The following RAB21 variants were observed in gnomAD, a reference collection of about 807,000 sequenced individuals.
RAB21 encodes RAB21, member RAS oncogene family.
RAB21 carries 13 observed loss-of-function variants against 33.1 expected under a neutral mutation model. That is an observed-to-expected ratio of 0.39 (90% CI 0.26 to 0.62). The LOEUF (loss-of-function observed/expected upper bound fraction) is 0.62. Among genes scored for constraint, RAB21 ranks in the 20% least tolerant of loss-of-function variants. RAB21 has a pLI of 0.48. For synonymous variants in RAB21, 91 were observed against 103.7 expected (o/e 0.88, Z 0.74); for missense variants, 234 against 279.1 (o/e 0.84, Z 1.15).
Position 71,793,550 on chromosome 12 carries a change from T to C in RAB21, c.*7877T>C, listed in dbSNP as rs1883417572. 1 of 152,162 alleles carries C rather than the reference T, an allele frequency of 6.6e-6. No homozygotes were observed. Among genetic ancestry groups the C allele is most frequent in the Admixed American group, 6.5e-5 (1 of 15,272 alleles). The allele number at this position is 152,162 out of a possible 1,614,324, so 9.4% of individuals were successfully genotyped here. A position where few individuals can be genotyped will look rare whatever the true frequency, so the allele number is the denominator to read the frequency against. ...AACACACACACACAAACTATCCCAT[T>C]AGTTGGTTATACACAAGTTACTTTC... On this transcript the variant is annotated 3_prime_UTR_variant, in exon 7 of 7. Transcript: ENST00000261263.
At chr12:71,770,765 C>T in intron 3 of RAB21, 66 bp downstream of exon 3, 1 of 992,960 alleles carries the variant, frequency 1.0e-6, no homozygotes. Flanking sequence ...CATTAATATA[C>T]CTTTATTCAC....
At position 71,795,131 on chromosome 12, in the gene RAB21, A is replaced by G. The variant is rs1223823833; in HGVS notation, c.*9458A>G. 6.6e-6 allele frequency: 1 copy of G among 152,168 alleles called. No individual in the cohort carries two copies. Among genetic ancestry groups the G allele is most frequent in the African/African-American group, 2.4e-5 (1 of 41,444 alleles). The allele number at this position is 152,168 out of a possible 1,614,324, so 9.4% of individuals were successfully genotyped here. A position where few individuals can be genotyped will look rare whatever the true frequency, so the allele number is the denominator to read the frequency against. On this transcript the variant is annotated 3_prime_UTR_variant, in exon 7 of 7. Coordinates refer to ENST00000261263, the MANE Select transcript of RAB21 (RefSeq NM_014999.4). ...ACCACTAGTCTGGCAAGTGACTTTT[A>G]TTTGTCCTTTTCTATTGATAATGAA... is the stretch of plus-strand genomic sequence containing the variant.
In RAB21 at chr12:71,785,900, GTTTTTTTTT is replaced by G. The variant is rs1883280598; in HGVS notation, c.*228_*236del. 1.2e-5 allele frequency: 4 copies of G among 345,276 alleles called. No homozygotes were observed. The South Asian group carries it at 1.6e-4, about 14-fold the overall frequency. 21.4% of individuals were successfully genotyped at this position (345,276 alleles called of 1,614,324 possible). A position where few individuals can be genotyped will look rare whatever the true frequency, so the allele number is the denominator to read the frequency against. On this transcript the variant is annotated 3_prime_UTR_variant, in exon 7 of 7. Transcript: ENST00000261263. The stretch of plus-strand genomic sequence containing the variant: ...AAATGTTTTTTTTTGTTTTTTTTTT[GTTTTTTTTT>G]GTTTTTTTTTGAGACGGAGTCTCGC...
In RAB21 at chr12:71,791,428, T is replaced by C. The variant is rs1052981757; in HGVS notation, c.*5755T>C. The C allele has an allele frequency of 2.0e-5, 3 of 152,368 alleles. No homozygotes were observed. The East Asian group carries it at 5.8e-4, about 29-fold the overall frequency. 9.4% of individuals were successfully genotyped at this position (152,368 alleles called of 1,614,324 possible). ...TTTTGGCTGACGGTTGACTGCTTAGTGTATAAAATCTAGGAGTTAACTTTA... is the reference window on the plus strand; with the variant it reads ...TTTTGGCTGACGGTTGACTGCTTAGCGTATAAAATCTAGGAGTTAACTTTA... On this transcript the variant is annotated 3_prime_UTR_variant, in exon 7 of 7. Transcript: ENST00000261263.
In RAB21 at chr12:71,785,880, T is replaced by G. The variant is rs1052859081; in HGVS notation, c.*207T>G. ...AGAGAATTGGCATTTTCTACAAATG[T>G]TTTTTTTTGTTTTTTTTTTGTTTTT... On this transcript the variant is annotated 3_prime_UTR_variant, in exon 7 of 7. Coordinates refer to ENST00000261263, the MANE Select transcript of RAB21 (RefSeq NM_014999.4). 2.0e-6 allele frequency: 1 copy of G among 496,952 alleles called. No individual in the cohort carries two copies. Among genetic ancestry groups the G allele is most frequent in the Non-Finnish European group, 3.2e-6 (1 of 311,692 alleles). The allele number at this position is 496,952 out of a possible 1,614,324, so 30.8% of individuals were successfully genotyped here. A position where few individuals can be genotyped will look rare whatever the true frequency, so the allele number is the denominator to read the frequency against.
rs1362773304 is a variant in RAB21 at position 71,795,674 on chromosome 12, A to G, written c.*10001A>G. On this transcript the variant is annotated 3_prime_UTR_variant, in exon 7 of 7. Transcript: ENST00000261263. ...AGTAATGCTGTCCTTGAATTCACTT[A>G]CATCTCTGCTCTGGTTTTTTGAAGC... 7.3e-6 allele frequency: 1 copy of G among 137,110 alleles called. No individual in the cohort carries two copies. Among genetic ancestry groups the G allele is most frequent in the Non-Finnish European group, 1.5e-5 (1 of 65,988 alleles). 8.5% of individuals were successfully genotyped at this position (137,110 alleles called of 1,614,324 possible). A position where few individuals can be genotyped will look rare whatever the true frequency, so the allele number is the denominator to read the frequency against.
intron 3 of RAB21, among the ~76,000 whole-genome samples, chr12:71,772,304 A>G (rs1307551823): frequency 6.6e-6 from 1 of 152,134 alleles, no homozygotes; most frequent in Non-Finnish European, 1.5e-5. Flanking sequence ...TTATATGACA[A>G]CTGGATCCCA....
chr12:71,755,172 G>T lies in RAB21; in HGVS notation c.43G>T (p.Gly15Cys). 1 of 1,375,018 alleles carries T rather than the reference G, an allele frequency of 7.3e-7. No individual in the cohort carries two copies. Among genetic ancestry groups the T allele is most frequent in the South Asian group, 1.9e-5 (1 of 52,144 alleles). 85.2% of individuals were successfully genotyped at this position (1,375,018 alleles called of 1,614,324 possible). A position where few individuals can be genotyped will look rare whatever the true frequency, so the allele number is the denominator to read the frequency against. The change falls in exon 1 of 7, where the codon GGC becomes TGC. Residue 15 changes from glycine to cysteine, a missense_variant. By Grantham distance (159) the Gly-to-Cys change is radical (BLOSUM62 -3). Transcript: ENST00000261263. ...CGGCGGCGGCGGGGCGGCGGCGGCG[G>T]GCCGAGCCTACTCGTTCAAGGTGGT... ...GGGGGGAAAA[G>C]RAYSFKVVLL...
chr12:71,755,982 C>T (rs942590762), intron 1 of RAB21, among the ~76,000 whole-genome samples: 2 of 152,136 alleles, frequency 1.3e-5, no homozygotes, highest in Admixed American at 1.3e-4. Flanking sequence ...AATAAAAGGT[C>T]GGCTTTCTTC....
Position 71,782,162 on chromosome 12 carries a change from TAGGTATTACTCAAATCTC to T in RAB21, c.446+78_446+95del, listed in dbSNP as rs1250711659. 6.8e-6 allele frequency: 9 copies of T among 1,319,780 alleles called. No homozygotes were observed. The African/African-American group carries it at 1.3e-4, about 19-fold the overall frequency. 81.8% of individuals were successfully genotyped at this position (1,319,780 alleles called of 1,614,324 possible). On this transcript the variant is annotated intron_variant, in intron 5 of 6. Transcript: ENST00000261263. ...TCTTTATACGTTTTGCTTTACCATTTAGGTATTACTCAAATCTCTTAGCATGGATTGAGGTGTTGGATT... is the reference window on the plus strand; with the variant it reads ...TCTTTATACGTTTTGCTTTACCATTTTTAGCATGGATTGAGGTGTTGGATT...
rs1883278072 is a variant in RAB21 at position 71,785,877 on chromosome 12, ATGTTTTTTTT to A, written c.*216_*225del. 24 of 517,638 alleles carry A rather than the reference ATGTTTTTTTT, an allele frequency of 4.6e-5. No individual in the cohort carries two copies. Among genetic ancestry groups the A allele is most frequent in the African/African-American group, 3.9e-4 (19 of 49,284 alleles). The allele number at this position is 517,638 out of a possible 1,614,324, so 32.1% of individuals were successfully genotyped here. A position where few individuals can be genotyped will look rare whatever the true frequency, so the allele number is the denominator to read the frequency against. ...ACCAGAGAATTGGCATTTTCTACAAATGTTTTTTTTTGTTTTTTTTTTGTTTTTTTTTGTT... is the reference window on the plus strand; with the variant it reads ...ACCAGAGAATTGGCATTTTCTACAAATGTTTTTTTTTTGTTTTTTTTTGTT... On this transcript the variant is annotated 3_prime_UTR_variant, in exon 7 of 7. Coordinates refer to ENST00000261263, the MANE Select transcript of RAB21 (RefSeq NM_014999.4).
At chr12:71,763,598 G>A (rs1301570005) in intron 1 of RAB21, among the ~76,000 whole-genome samples, 2 of 152,036 alleles carry the variant, frequency 1.3e-5, no homozygotes, top group Non-Finnish European at 2.9e-5. Flanking sequence ...GACAACATGA[G>A]CTAATAAGAT....
intron 1 of RAB21, among the ~76,000 whole-genome samples, chr12:71,762,639 A>G (rs1373097719): frequency 1.3e-5 from 2 of 149,246 alleles, no homozygotes; most frequent in Non-Finnish European, 3.0e-5. Flanking sequence ...CTGGAGAGGA[A>G]TGGCACGATC....
intron 1 of RAB21, among the ~76,000 whole-genome samples, chr12:71,762,013 ATAAT>A (rs957006385): frequency 2.6e-5 from 4 of 152,192 alleles, no homozygotes; most frequent in East Asian, 1.9e-4. Context: ...ATACAGTATA[ATAAT>A]TGAAGTTCTT....
chr12:71,798,757 GA>G lies in RAB21; in HGVS notation c.*13086del, dbSNP rs1883498879. 1 of 152,180 alleles carries G rather than the reference GA, an allele frequency of 6.6e-6. No homozygotes were observed. Among genetic ancestry groups the G allele is most frequent in the Admixed American group, 6.5e-5 (1 of 15,276 alleles). 9.4% of individuals were successfully genotyped at this position (152,180 alleles called of 1,614,324 possible). Reference sequence around the variant, plus strand: ...TAGATATTATTGGTAAGAATGGAGGGAACAAGTATTTTTGCTGATAGAGGGG... The same window carrying G: ...TAGATATTATTGGTAAGAATGGAGGGACAAGTATTTTTGCTGATAGAGGGG... On this transcript the variant is annotated 3_prime_UTR_variant, in exon 7 of 7. Coordinates refer to ENST00000261263, the MANE Select transcript of RAB21 (RefSeq NM_014999.4).
rs1306087817 is a variant in RAB21, at chr12:71,789,957, A to G, written c.*4284A>G. Reference sequence around the variant, plus strand: ...TTAGAAATACTCCTAAGAGTTTTCAATTTCAAGCAGAAATGCTTCTCTTCT... The same window carrying G: ...TTAGAAATACTCCTAAGAGTTTTCAGTTTCAAGCAGAAATGCTTCTCTTCT... On this transcript the variant is annotated 3_prime_UTR_variant, in exon 7 of 7. Coordinates refer to ENST00000261263, the MANE Select transcript of RAB21 (RefSeq NM_014999.4). 1 of 152,166 alleles carries G rather than the reference A, an allele frequency of 6.6e-6. No individual in the cohort carries two copies. Among genetic ancestry groups the G allele is most frequent in the Non-Finnish European group, 1.5e-5 (1 of 68,004 alleles). 9.4% of individuals were successfully genotyped at this position (152,166 alleles called of 1,614,324 possible).
At chr12:71,781,526 C>A (rs1041271768) in intron 4 of RAB21, among the ~76,000 whole-genome samples, 1 of 151,432 alleles carries the variant, frequency 6.6e-6, no homozygotes, top group African/African-American at 2.4e-5. Flanking sequence ...ACTTAAAAAT[C>A]TGTACACTTT....
At chr12:71,755,562 G>C (rs886517683) in intron 1 of RAB21, among the ~76,000 whole-genome samples, 8 of 152,180 alleles carry the variant, frequency 5.3e-5, no homozygotes, top group Non-Finnish European at 8.8e-5. Context: ...CTCCGTCCGT[G>C]GGCTGTTTTT....
intron 1 of RAB21, among the ~76,000 whole-genome samples, chr12:71,762,451 G>A (rs369051718): frequency 1.8e-4 from 27 of 152,038 alleles, no homozygotes; most frequent in African/African-American, 1.7e-4. Context: ...GACTACAGGC[G>A]CCCGCTACCA....
Sources: allele counts gnomAD v4.1 joint callset (sites outside exome capture counted in the v4.1 genomes callset), GRCh38; gene constraint gnomAD v4.1.1; transcripts MANE v1.5; gene names NCBI Gene and HGNC (gene_info 2026-07-23, HGNC 2026-07-21).